PRKCB: variants seen among roughly 807,000 people sequenced by gnomAD.
PRKCB encodes protein kinase C beta type.
Under a neutral mutation model 81.5 loss-of-function variants are expected in PRKCB, and 13 were observed. That is an observed-to-expected ratio of 0.16 (90% confidence interval 0.10 to 0.25). The LOEUF (loss-of-function observed/expected upper bound fraction) is 0.25, where lower values mean the gene tolerates loss of function less well. Ranked by LOEUF, PRKCB falls within the 10% of genes least tolerant of loss-of-function variation. The pLI is 1.00. For missense variants in PRKCB, 509 were observed against 875.7 expected (o/e 0.58, Z 5.29); for synonymous variants, 335 against 321.4 (o/e 1.04, Z -0.45).
At chr16:24,177,927 C>A (rs1457785601) in intron 12 of PRKCB, among the ~76,000 whole-genome samples, 1 of 151,968 alleles carries the variant, frequency 6.6e-6, no homozygotes, top group Admixed American at 6.5e-5. Context: ...TGCTCACCAT[C>A]GAGAACGCTG....
At chr16:24,174,018 G>T (rs11865796) in intron 11 of PRKCB, among the ~76,000 whole-genome samples, 1 of 151,574 alleles carries the variant, frequency 6.6e-6, no homozygotes, top group South Asian at 2.1e-4. Context: ...CTCTTTTTTG[G>T]GGGGGTGGGG....
intron 15 of PRKCB, among the ~76,000 whole-genome samples, chr16:24,186,000 C>G (rs533599682): frequency 1.3e-5 from 2 of 152,244 alleles, no homozygotes; most frequent in East Asian, 3.9e-4. Context: ...CTAAAAAATA[C>G]CACGCCGTGT....
intron 2 of PRKCB, among the ~76,000 whole-genome samples, chr16:23,899,506 C>T (rs1243780698): frequency 6.6e-6 from 1 of 152,204 alleles, no homozygotes; most frequent in Non-Finnish European, 1.5e-5. Flanking sequence ...GCCATCTCAG[C>T]ATTCAAGAAG....
intron 16 of PRKCB, among the ~76,000 whole-genome samples, chr16:24,206,459 G>T (rs1372423701): frequency 1.3e-5 from 2 of 152,164 alleles, no homozygotes; most frequent in Non-Finnish European, 2.9e-5. Flanking sequence ...GGCTGGGCAG[G>T]TAGCTCCCCT....
intron 5 of PRKCB, among the ~76,000 whole-genome samples, chr16:24,064,388 T>C (rs752241932): frequency 6.6e-6 from 1 of 152,232 alleles, no homozygotes; most frequent in Non-Finnish European, 1.5e-5. Flanking sequence ...TTTCCTATGA[T>C]TTATTCAAAA....
intron 9 of PRKCB, among the ~76,000 whole-genome samples, chr16:24,133,283 T>G (rs147152978): frequency 1.1e-3 from 173 of 152,336 alleles, no homozygotes; most frequent in African/African-American, 4.1e-3. Context: ...ATACTCCTAG[T>G]GATGGAGGGC....
intron 2 of PRKCB, among the ~76,000 whole-genome samples, chr16:23,861,996 C>G (rs888425920): frequency 6.6e-6 from 1 of 152,192 alleles, no homozygotes; most frequent in Non-Finnish European, 1.5e-5. Context: ...GTTATTGCCT[C>G]AACCTACTCT....
intron 16 of PRKCB, among the ~76,000 whole-genome samples, chr16:24,194,124 C>G (rs574179405): frequency 1.3e-5 from 2 of 151,926 alleles, no homozygotes; most frequent in Non-Finnish European, 2.9e-5. Flanking sequence ...GTCAGGAGTT[C>G]GAGACCAGCC....
At chr16:23,967,036 G>A in intron 2 of PRKCB, among the ~76,000 whole-genome samples, 1 of 148,412 alleles carries the variant, frequency 6.7e-6, no homozygotes, top group East Asian at 2.0e-4. Flanking sequence ...TTAAAGCACA[G>A]TACATGCTGT....
intron 3 of PRKCB, among the ~76,000 whole-genome samples, chr16:24,015,323 TG>T (rs745680105): frequency 4.6e-5 from 7 of 152,260 alleles, no homozygotes; most frequent in Non-Finnish European, 1.0e-4. Flanking sequence ...TGCTCGAGGC[TG>T]CACGACTGGA....
intron 12 of PRKCB, among the ~76,000 whole-genome samples, chr16:24,179,144 T>C (rs1324517910): frequency 6.6e-6 from 1 of 152,246 alleles, no homozygotes; most frequent in African/African-American, 2.4e-5. Flanking sequence ...CCAGCACTAA[T>C]ACTTAACAGC....
In PRKCB at chr16:24,218,834, T is replaced by C; in HGVS notation, c.*4018T>C. The stretch of plus-strand genomic sequence containing the variant: ...AATACAAGGCCTTCTTCCCTGGTTG[T>C]CTTGTAATAAAACAGCCATGGGGTT... On this transcript the variant is annotated 3_prime_UTR_variant, in exon 17 of 17. Coordinates refer to ENST00000643927, the MANE Select transcript of PRKCB (RefSeq NM_002738.7). 2 of 985,402 alleles carry C rather than the reference T, an allele frequency of 2.0e-6. No individual in the cohort carries two copies. Among genetic ancestry groups the C allele is most frequent in the Non-Finnish European group, 2.4e-6 (2 of 829,940 alleles). 61.0% of individuals were successfully genotyped at this position (985,402 alleles called of 1,614,324 possible). A position where few individuals can be genotyped will look rare whatever the true frequency, so the allele number is the denominator to read the frequency against.
In PRKCB at chr16:23,838,963, A is replaced by C. The variant is rs547759936; in HGVS notation, c.205+1557A>C. Reference sequence around the variant, plus strand: ...ACTTTGACCCCTCAAACAAAATGCCAATGGTGTCTTGGCACCGGAATGTGT... The same window carrying C: ...ACTTTGACCCCTCAAACAAAATGCCCATGGTGTCTTGGCACCGGAATGTGT... On this transcript the variant is annotated intron_variant, in intron 2 of 16. Transcript: ENST00000643927. 1.1e-4 allele frequency among the ~76,000 whole-genome samples: 16 copies of C among 152,334 alleles called. No homozygotes were observed. In the East Asian group the frequency reaches 3.1e-3, roughly 29 times the overall value.
intron 16 of PRKCB, among the ~76,000 whole-genome samples, chr16:24,207,298 G>A (rs370541050): frequency 5.8e-4 from 89 of 152,194 alleles, no homozygotes; most frequent in African/African-American, 2.1e-3. Flanking sequence ...CATGATAATT[G>A]CTGTCTCATT....
chr16:23,894,254 G>A (rs991281839), intron 2 of PRKCB, among the ~76,000 whole-genome samples: 2 of 152,146 alleles, frequency 1.3e-5, no homozygotes, highest in African/African-American at 4.8e-5. Flanking sequence ...CATGTGACAT[G>A]GCCAAGCCCG....
chr16:23,975,325 G>A (rs762374931), intron 2 of PRKCB, among the ~76,000 whole-genome samples: 1 of 152,118 alleles, frequency 6.6e-6, no homozygotes, highest in African/African-American at 2.4e-5. Flanking sequence ...CACCTCAGGA[G>A]GCACAATTTG....
chr16:24,111,444 A>G (rs997929659), intron 7 of PRKCB: 1 of 152,046 alleles, frequency 6.6e-6, no homozygotes, highest in Non-Finnish European at 1.5e-5. Context: ...TTACTAGATG[A>G]AAAAATCTTT....
intron 3 of PRKCB, among the ~76,000 whole-genome samples, chr16:24,011,221 C>T (rs912804960): frequency 1.3e-5 from 2 of 152,066 alleles, no homozygotes; most frequent in Non-Finnish European, 1.5e-5. Context: ...TGGGCCAGGT[C>T]GTCCTTCCCA....
chr16:24,061,935 T>C (rs1466813394), intron 5 of PRKCB, among the ~76,000 whole-genome samples: 1 of 118,436 alleles, frequency 8.4e-6, no homozygotes, highest in African/African-American at 2.9e-5. Flanking sequence ...AAAAAAAAAC[T>C]TGAGGCCTGC....
Sources: allele counts gnomAD v4.1 joint callset (sites outside exome capture counted in the v4.1 genomes callset), GRCh38; gene constraint gnomAD v4.1.1; transcripts MANE v1.5; gene names NCBI Gene and HGNC (gene_info 2026-07-23, HGNC 2026-07-21).